POU2F1: variants seen among roughly 807,000 people sequenced by gnomAD.
POU2F1 encodes the protein POU domain, class 2, transcription factor 1.
Under a neutral mutation model 84.9 loss-of-function variants are expected in POU2F1, and 16 were observed. That is an observed-to-expected ratio of 0.19 (90% confidence interval 0.13 to 0.29). The LOEUF (loss-of-function observed/expected upper bound fraction) is 0.29. Among genes scored for constraint, POU2F1 ranks in the 10% least tolerant of loss-of-function variants. The probability of loss-of-function intolerance (pLI) is 1.00; values close to 1 mark genes in which losing one functional copy is unlikely to be tolerated. For synonymous variants in POU2F1, 368 were observed against 368.3 expected (o/e 1.00, Z 0.01); for missense variants, 738 against 942.6 (o/e 0.78, Z 2.84).
At chr1:167,253,283 G>T (rs1440498019) in intron 1 of POU2F1, among the ~76,000 whole-genome samples, 1 of 151,768 alleles carries the variant, frequency 6.6e-6, no homozygotes, top group Non-Finnish European at 1.5e-5. Flanking sequence ...AACAAAACTT[G>T]GAGCCTCTGT....
At chr1:167,314,257 G>A (rs574561469) in intron 1 of POU2F1, among the ~76,000 whole-genome samples, 1 of 151,940 alleles carries the variant, frequency 6.6e-6, no homozygotes, top group East Asian at 1.9e-4. Context: ...TGAAGAGGCT[G>A]TATGGATGGC....
chr1:167,372,405 A>T (rs922790283), intron 5 of POU2F1, among the ~76,000 whole-genome samples: 5 of 152,218 alleles, frequency 3.3e-5, no homozygotes, highest in Non-Finnish European at 7.4e-5. Flanking sequence ...GGTAGAAGTT[A>T]AAGAATGGAT....
At chr1:167,330,920 A>C (rs1025187940) in intron 1 of POU2F1, among the ~76,000 whole-genome samples, 3 of 152,110 alleles carry the variant, frequency 2.0e-5, no homozygotes, top group African/African-American at 7.2e-5. Context: ...AGCATGGAGC[A>C]GTATGTATGC....
At chr1:167,291,048 A>G (rs1298392172) in intron 1 of POU2F1, among the ~76,000 whole-genome samples, 40 of 132,284 alleles carry the variant, frequency 3.0e-4, no homozygotes, top group African/African-American at 1.7e-3. Flanking sequence ...CTGTCAGAAA[A>G]AAAAAAAAAA....
At chr1:167,237,649 A>C (rs1379801807) in intron 1 of POU2F1, among the ~76,000 whole-genome samples, 1 of 146,974 alleles carries the variant, frequency 6.8e-6, no homozygotes, top group East Asian at 2.0e-4. Context: ...GGTATTCTTT[A>C]ATTTTTCTTT....
chr1:167,283,668 T>G (rs574243244), intron 1 of POU2F1, among the ~76,000 whole-genome samples: 1 of 152,346 alleles, frequency 6.6e-6, no homozygotes, highest in East Asian at 1.9e-4. Context: ...TAGGGTCCTG[T>G]GTCTTTCTGT....
intron 9 of POU2F1, among the ~76,000 whole-genome samples, chr1:167,394,879 T>A (rs571930564): frequency 6.6e-6 from 1 of 152,342 alleles, no homozygotes; most frequent in Admixed American, 6.5e-5. Flanking sequence ...AAATGTAGTA[T>A]TCAATGTGCT....
At chr1:167,397,309 G>C (rs1287540774) in intron 10 of POU2F1, among the ~76,000 whole-genome samples, 1 of 152,092 alleles carries the variant, frequency 6.6e-6, no homozygotes. Context: ...CCATTTACAA[G>C]ATAAATATTA....
intron 12 of POU2F1, 125 bp downstream of exon 12, chr1:167,399,490 A>G (rs1461985034): frequency 2.5e-5 from 22 of 864,444 alleles, no homozygotes; most frequent in Non-Finnish European, 3.5e-5. Flanking sequence ...AAATGCATGT[A>G]AATTTGTATT....
chr1:167,328,403 A>T (rs1389215947), intron 1 of POU2F1, among the ~76,000 whole-genome samples: 1 of 152,188 alleles, frequency 6.6e-6, no homozygotes, highest in Non-Finnish European at 1.5e-5. Flanking sequence ...GAATTGGAAA[A>T]TTCCCTATCA....
chr1:167,415,578 C>T lies in POU2F1; in HGVS notation c.2069C>T (p.Ala690Val). Reference protein sequence around the residue: ...GNLVFANAGGAPNIVTAPLFL... With the variant: ...GNLVFANAGGVPNIVTAPLFL... ...CTGGTATTTGCCAATGCGGGAGGAG[C>T]CCCCAACATCGTGACTGCCCCTCTG... Residue 690 changes from alanine (A) to valine (V), a missense_variant, in exon 16 of 16, where the codon GCC (alanine) becomes GTC (valine). Physicochemically the swap from Ala to Val is moderately conservative, Grantham distance 64. Around this residue, in one of 4 missense-constraint regions of POU2F1, gnomAD observed 319 missense variants for 386.0 expected, o/e 0.83. Coordinates refer to ENST00000367866, the MANE Select transcript of POU2F1 (RefSeq NM_002697.4). 6.2e-7 allele frequency: 1 copy of T among 1,614,156 alleles called. No homozygotes were observed. Among genetic ancestry groups the T allele is most frequent in the Non-Finnish European group, 8.5e-7 (1 of 1,180,002 alleles).
chr1:167,244,825 C>T (rs1650192506), intron 1 of POU2F1, among the ~76,000 whole-genome samples: 1 of 152,154 alleles, frequency 6.6e-6, no homozygotes, highest in South Asian at 2.1e-4. Flanking sequence ...ATAATACCTT[C>T]CTTAAAAAGT....
chr1:167,298,130 AAACAACAAC>A (rs71572442), intron 1 of POU2F1, among the ~76,000 whole-genome samples: 3 of 148,814 alleles, frequency 2.0e-5, no homozygotes, highest in African/African-American at 7.3e-5. Flanking sequence ...CCATCTCCAA[AAACAACAAC>A]AACAACAACA....
intron 1 of POU2F1, among the ~76,000 whole-genome samples, chr1:167,281,512 GGAA>G (rs566124062): frequency 3.5e-4 from 54 of 152,310 alleles, no homozygotes; most frequent in African/African-American, 1.3e-3. Flanking sequence ...GCCACATGAT[GGAA>G]GAAGATTTAT....
intron 1 of POU2F1, among the ~76,000 whole-genome samples, chr1:167,318,215 T>C (rs1461198569): frequency 6.6e-6 from 1 of 152,228 alleles, no homozygotes; most frequent in Non-Finnish European, 1.5e-5. Flanking sequence ...ATTAATAGTT[T>C]CCACAAATCC....
At position 167,421,315 on chromosome 1, in the gene POU2F1, G is replaced by A. The variant is rs1265064842; in HGVS notation, c.*5505G>A. 6.6e-6 allele frequency: 1 copy of A among 152,138 alleles called. No individual in the cohort carries two copies. Among genetic ancestry groups the A allele is most frequent in the Non-Finnish European group, 1.5e-5 (1 of 68,026 alleles). 9.4% of individuals were successfully genotyped at this position (152,138 alleles called of 1,614,324 possible). A position where few individuals can be genotyped will look rare whatever the true frequency, so the allele number is the denominator to read the frequency against. On this transcript the variant is annotated 3_prime_UTR_variant, in exon 16 of 16. Transcript: ENST00000367866. ...TGGACAGGAATAGGATAAATAAATTGCTTTCATCATAAAGGCCAATCATCC... is the reference window on the plus strand; with the variant it reads ...TGGACAGGAATAGGATAAATAAATTACTTTCATCATAAAGGCCAATCATCC...
intron 1 of POU2F1, among the ~76,000 whole-genome samples, chr1:167,266,415 G>A (rs1651957734): frequency 6.6e-6 from 1 of 152,142 alleles, no homozygotes; most frequent in Non-Finnish European, 1.5e-5. Flanking sequence ...TGGTTTAAAA[G>A]TAGTGCTTTT....
chr1:167,411,104 A>G (rs577144800), intron 13 of POU2F1, among the ~76,000 whole-genome samples: 11 of 151,508 alleles, frequency 7.3e-5, no homozygotes, highest in African/African-American at 2.4e-4. Flanking sequence ...CAGTGGCGCA[A>G]TCTTGGCTCA....
intron 13 of POU2F1, among the ~76,000 whole-genome samples, chr1:167,402,090 C>T (rs1431887296): frequency 6.6e-6 from 1 of 152,162 alleles, no homozygotes; most frequent in Non-Finnish European, 1.5e-5. Flanking sequence ...CTCTTGATGC[C>T]TAGCTCAGTG....
Sources: allele counts gnomAD v4.1 joint callset (sites outside exome capture counted in the v4.1 genomes callset), GRCh38; gene constraint gnomAD v4.1.1; regional missense constraint gnomAD v4.1.1; transcripts MANE v1.5; gene names NCBI Gene and HGNC (gene_info 2026-07-23, HGNC 2026-07-21).